The following IMMP2L variants were observed in gnomAD, a reference collection of about 807,000 sequenced individuals.
IMMP2L encodes inner mitochondrial membrane peptidase subunit 2, also known as mitochondrial inner membrane protease subunit 2.
In IMMP2L, 18 loss-of-function variants were observed where a neutral mutation model predicts 19.3. The ratio of observed to expected loss-of-function variants is 0.93; its 90% CI spans 0.64 to 1.38. The LOEUF (loss-of-function observed/expected upper bound fraction) is 1.38, where lower values mean the gene tolerates loss of function less well. Among genes scored for constraint, IMMP2L ranks in the 40% most tolerant of loss-of-function variants. The pLI, the probability that IMMP2L is intolerant of heterozygous loss-of-function variation, is 0.00. For synonymous variants in IMMP2L, 76 were observed against 73.0 expected (o/e 1.04, Z -0.21); for missense variants, 233 against 218.2 (o/e 1.07, Z -0.43).
At chr7:111,463,176 CGT>C (rs200916257) in intron 3 of IMMP2L, among the ~76,000 whole-genome samples, 3,005 of 149,304 alleles carry the variant, frequency 0.02, 101 homozygotes, top group African/African-American at 0.07. Flanking sequence ...CATCATCTTC[CGT>C]GTGTGTGTGT....
At chr7:111,526,258 TA>T (rs1249229384) in intron 1 of IMMP2L, among the ~76,000 whole-genome samples, 1 of 152,186 alleles carries the variant, frequency 6.6e-6, no homozygotes, top group Non-Finnish European at 1.5e-5. Flanking sequence ...AACAATACCT[TA>T]CATTTCAACA....
At chr7:111,126,514 A>G (rs1303249454) in intron 3 of IMMP2L, among the ~76,000 whole-genome samples, 7 of 152,172 alleles carry the variant, frequency 4.6e-5, no homozygotes, top group African/African-American at 1.7e-4. Flanking sequence ...ACAATTAAGA[A>G]TTTAATTTTT....
intron 3 of IMMP2L, among the ~76,000 whole-genome samples, chr7:111,192,932 GTGATCAAGCCCC>G (rs565017204): frequency 7.1e-4 from 108 of 152,242 alleles, no homozygotes; most frequent in Non-Finnish European, 1.3e-3. Flanking sequence ...AGATTGTACA[GTGATCAAGCCCC>G]TGAGGAGAGT....
chr7:111,365,253 T>C (rs1829662405), intron 3 of IMMP2L, among the ~76,000 whole-genome samples: 1 of 152,126 alleles, frequency 6.6e-6, no homozygotes, highest in African/African-American at 2.4e-5. Context: ...TAAGTGATTA[T>C]TTGAAACTGT....
intron 3 of IMMP2L, among the ~76,000 whole-genome samples, chr7:111,215,403 C>G (rs1467427282): frequency 6.6e-6 from 1 of 152,130 alleles, no homozygotes; most frequent in Non-Finnish European, 1.5e-5. Context: ...GTTAATACAG[C>G]TAGCAAATAA....
At chr7:110,822,966 G>A (rs73419213) in intron 5 of IMMP2L, among the ~76,000 whole-genome samples, 13,131 of 152,084 alleles carry the variant, frequency 0.086, 873 homozygotes, top group African/African-American at 0.18. Flanking sequence ...GCACTCAAGT[G>A]TCTGATGAGT....
At chr7:111,497,454 T>C (rs1454764191) in intron 2 of IMMP2L, among the ~76,000 whole-genome samples, 1 of 152,134 alleles carries the variant, frequency 6.6e-6, no homozygotes, top group Non-Finnish European at 1.5e-5. Context: ...GGTTTAGCAA[T>C]GGTTAAACTT....
chr7:110,856,629 A>T (rs148336976), intron 5 of IMMP2L, among the ~76,000 whole-genome samples: 69 of 152,190 alleles, frequency 4.5e-4, no homozygotes, highest in African/African-American at 1.5e-3. Context: ...TCAATTTGGC[A>T]CGTAAGGGAA....
intron 5 of IMMP2L, among the ~76,000 whole-genome samples, chr7:110,694,121 G>C (rs554518345): frequency 6.6e-6 from 1 of 152,228 alleles, no homozygotes; most frequent in East Asian, 1.9e-4. Flanking sequence ...AAATAGACTT[G>C]TGAAACTCTG....
At chr7:111,543,236 T>C (rs921043640) in intron 1 of IMMP2L, among the ~76,000 whole-genome samples, 1 of 152,178 alleles carries the variant, frequency 6.6e-6, no homozygotes, top group African/African-American at 2.4e-5. Context: ...GCAATTAATT[T>C]TAAACTACTA....
At chr7:111,198,427 C>G (rs1015367432) in intron 3 of IMMP2L, among the ~76,000 whole-genome samples, 1 of 152,108 alleles carries the variant, frequency 6.6e-6, no homozygotes, top group African/African-American at 2.4e-5. Flanking sequence ...TATTATTACC[C>G]TATGGGCTGC....
At chr7:111,544,196 A>G (rs890717270) in intron 1 of IMMP2L, among the ~76,000 whole-genome samples, 1 of 147,972 alleles carries the variant, frequency 6.8e-6, no homozygotes, top group Admixed American at 6.7e-5. Flanking sequence ...GAACTGAACA[A>G]TGAGAACACT....
In IMMP2L at chr7:111,090,406, G is replaced by A. The variant is rs557946531; in HGVS notation, c.240-126841C>T. ...TCCTAAATACACACACACACTCACAGATACACAAACACACCTACACATGTA... is the reference window on the plus strand; with the variant it reads ...TCCTAAATACACACACACACTCACAAATACACAAACACACCTACACATGTA... On this transcript the variant is annotated intron_variant, in intron 3 of 5. Coordinates refer to ENST00000405709, the MANE Select transcript of IMMP2L (RefSeq NM_032549.4). Among the ~76,000 whole-genome samples, 6 of 151,918 alleles carry A rather than the reference G, an allele frequency of 3.9e-5. No homozygotes were observed. The South Asian group carries it at 1.2e-3, about 32-fold the overall frequency.
At chr7:111,155,695 C>G (rs1804567397) in intron 3 of IMMP2L, among the ~76,000 whole-genome samples, 2 of 151,556 alleles carry the variant, frequency 1.3e-5, no homozygotes, top group Admixed American at 6.6e-5. Context: ...TACACACACA[C>G]AGACAGTCAT....
intron 3 of IMMP2L, among the ~76,000 whole-genome samples, chr7:110,990,397 C>T (rs1822330243): frequency 6.6e-6 from 1 of 152,138 alleles, no homozygotes. Context: ...CAGAAGGACA[C>T]ATTTTTATAC....
chr7:110,687,634 A>AT (rs574317993), intron 5 of IMMP2L, among the ~76,000 whole-genome samples: 188 of 152,178 alleles, frequency 1.2e-3, no homozygotes, highest in African/African-American at 4.4e-3. Context: ...TTAGATCTTA[A>AT]TGATTAGAAA....
chr7:110,960,890 T>A lies in IMMP2L; in HGVS notation c.305+2610A>T, dbSNP rs561849237. Among the ~76,000 whole-genome samples, 16 of 151,988 alleles carry A rather than the reference T, an allele frequency of 1.1e-4. No homozygotes were observed. In the South Asian group the frequency reaches 3.1e-3, roughly 30 times the overall value. On this transcript the variant is annotated intron_variant, in intron 4 of 5. Coordinates refer to ENST00000405709, the MANE Select transcript of IMMP2L (RefSeq NM_032549.4). ...TGTGCAAATGATCTGAACAGTTATC[T>A]CACCCAAAAAGAGATATGAATGGAA...
At chr7:110,892,255 A>C (rs1048435765) in intron 4 of IMMP2L, among the ~76,000 whole-genome samples, 6 of 152,154 alleles carry the variant, frequency 3.9e-5, no homozygotes, top group African/African-American at 9.7e-5. Flanking sequence ...AAAAAGTCTG[A>C]AGTCTCAACA....
chr7:110,963,057 T>G lies in IMMP2L; in HGVS notation c.305+443A>C, dbSNP rs1035996940. 5.2e-6 allele frequency: 8 copies of G among 1,527,054 alleles called. No homozygotes were observed. The highest frequency in any genetic ancestry group is 2.8e-5 in the African/African-American group (2 of 72,428). 94.6% of individuals were successfully genotyped at this position (1,527,054 alleles called of 1,614,324 possible). On this transcript the variant is annotated intron_variant, in intron 4 of 5. Coordinates refer to ENST00000405709, the MANE Select transcript of IMMP2L (RefSeq NM_032549.4). ...CATTCTTGTCACTGATTCGGAAGTT[T>G]CTGTTTCATATCCTTTTCAGTTTTC...
Sources: gnomAD v4.1 joint callset for allele counts (sites outside exome capture counted in the v4.1 genomes callset) on GRCh38, gnomAD v4.1.1 for gene constraint, MANE v1.5 for transcripts, NCBI Gene and HGNC (gene_info 2026-07-23, HGNC 2026-07-21) for gene names.